The following DACH2 variants were observed in gnomAD, a reference collection of about 807,000 sequenced individuals.
The protein encoded by DACH2 is dachshund family transcription factor 2, also known as dachshund homolog 2.
A neutral mutation model predicts 35.8 loss-of-function variants in DACH2; 17 were observed. That is an observed-to-expected ratio of 0.48 (90% CI 0.33 to 0.71). The LOEUF (loss-of-function observed/expected upper bound fraction) is 0.71. DACH2 is among the 30% of genes least tolerant of loss of function. The pLI, the probability that DACH2 is intolerant of heterozygous loss-of-function variation, is 0.02. For synonymous variants in DACH2, 195 were observed against 177.3 expected, an observed-to-expected ratio of 1.10 and a Z score of -0.79; for missense variants, 469 against 472.7, an observed-to-expected ratio of 0.99 and a Z score of 0.07.
chrX:86,175,877 A>C (rs1206070172), intron 1 of DACH2, among the ~76,000 whole-genome samples: 1 of 111,195 alleles, frequency 9.0e-6, no homozygotes, highest in Non-Finnish European at 1.9e-5. Flanking sequence ...ATTGGAAAGG[A>C]GGTATTGCTG....
chrX:86,378,176 A>G (rs1402689663), intron 2 of DACH2, among the ~76,000 whole-genome samples: 1 of 110,543 alleles, frequency 9.0e-6, no homozygotes, highest in South Asian at 3.7e-4. Context: ...TTCTTCATTA[A>G]ATATAGCAGT....
chrX:86,701,588 A>T (rs932246832), intron 5 of DACH2, among the ~76,000 whole-genome samples: 1 of 111,833 alleles, frequency 8.9e-6, no homozygotes. Flanking sequence ...ATTGCAGATG[A>T]CATAATTCTA....
chrX:86,828,938 T>C (rs2042587032), intron 11 of DACH2: 1 of 111,910 alleles, frequency 8.9e-6, no homozygotes, highest in East Asian at 2.8e-4. Flanking sequence ...ACGTCTGCCC[T>C]AGCATTAAGT....
rs780445693 is a variant in DACH2, at chrX:86,148,785, C to G, written c.165C>G (p.Ala55=). 8.3e-7 allele frequency: 1 copy of G among 1,211,279 alleles called. No individual in the cohort carries two copies. The highest frequency in any genetic ancestry group is 1.1e-6 in the Non-Finnish European group (1 of 895,435). ...SFVVNNHSNS[A]GGGGRGNTNT... Reference sequence around the variant, plus strand: ...TGGTTAATAACCACAGCAACAGTGCCGGAGGCGGCGGCAGGGGCAACACCA... The same window carrying G: ...TGGTTAATAACCACAGCAACAGTGCGGGAGGCGGCGGCAGGGGCAACACCA... Residue 55 remains alanine (A), a synonymous_variant, in exon 1 of 12, where the codon GCC becomes GCG. Coordinates refer to ENST00000373125, the MANE Select transcript of DACH2 (RefSeq NM_053281.3).
At chrX:86,165,708 G>A (rs1489847648) in intron 1 of DACH2, among the ~76,000 whole-genome samples, 1 of 110,173 alleles carries the variant, frequency 9.1e-6, no homozygotes, top group Non-Finnish European at 1.9e-5. Context: ...AGTTGTTTGA[G>A]CTCCTTATAT....
At chrX:86,677,103 A>G (rs908015341) in intron 4 of DACH2, among the ~76,000 whole-genome samples, 2 of 112,198 alleles carry the variant, frequency 1.8e-5, no homozygotes, top group African/African-American at 6.5e-5. Flanking sequence ...AATGCCCAAC[A>G]TAGCCATTTC....
chrX:86,287,719 G>A (rs1321514339), intron 1 of DACH2, among the ~76,000 whole-genome samples: 1 of 111,738 alleles, frequency 8.9e-6, no homozygotes, highest in Non-Finnish European at 1.9e-5. Flanking sequence ...TTTAGCTCCA[G>A]AATTTCTGCT....
intron 2 of DACH2, among the ~76,000 whole-genome samples, chrX:86,477,644 T>G (rs984080685): frequency 9.1e-6 from 1 of 110,331 alleles, no homozygotes; most frequent in African/African-American, 3.3e-5. Context: ...TGATTGCAGT[T>G]TATTTTGTTT....
chrX:86,519,362 T>C (rs1350298376), intron 3 of DACH2, among the ~76,000 whole-genome samples: 1 of 112,193 alleles, frequency 8.9e-6, no homozygotes, highest in African/African-American at 3.2e-5. Flanking sequence ...GTTTTCTTTT[T>C]TGTTGTGTCT....
intron 2 of DACH2, among the ~76,000 whole-genome samples, chrX:86,488,342 C>A (rs1016849680): frequency 2.7e-5 from 3 of 111,239 alleles, no homozygotes; most frequent in Non-Finnish European, 5.7e-5. Context: ...TTTTGCTTCC[C>A]TATCTGTACA....
At chrX:86,765,798 G>C (rs6623773) in intron 7 of DACH2, among the ~76,000 whole-genome samples, 1 of 90,781 alleles carries the variant, frequency 1.1e-5, no homozygotes, top group Admixed American at 1.3e-4. Flanking sequence ...GTTAAAAATG[G>C]CATTTTTTTT....
At chrX:86,610,405 CTTTCTTTCTTTCT>C (rs1324744938) in intron 3 of DACH2, among the ~76,000 whole-genome samples, 1,222 of 74,191 alleles carry the variant, frequency 0.016, 35 homozygotes, top group African/African-American at 0.067. Flanking sequence ...TTCTTTCTTT[CTTTCTTTCTTTCT>C]TTTCTTTCTT....
At chrX:86,609,368 T>A (rs957506040) in intron 3 of DACH2, among the ~76,000 whole-genome samples, 13 of 112,257 alleles carry the variant, frequency 1.2e-4, no homozygotes, top group Admixed American at 4.7e-4. Flanking sequence ...ATTCCTTCTT[T>A]GTGTTATCTT....
At chrX:86,155,649 T>A (rs979350918) in intron 1 of DACH2, among the ~76,000 whole-genome samples, 9 of 111,523 alleles carry the variant, frequency 8.1e-5, no homozygotes, top group African/African-American at 2.6e-4. Context: ...GTTAGTCTGA[T>A]ATTTGAAAAT....
chrX:86,609,982 T>G (rs939882370), intron 3 of DACH2, among the ~76,000 whole-genome samples: 4 of 111,348 alleles, frequency 3.6e-5, no homozygotes, highest in African/African-American at 1.3e-4. Context: ...CATATTTACT[T>G]AATGACCTGG....
chrX:86,213,802 G>C (rs752273888), intron 1 of DACH2, among the ~76,000 whole-genome samples: 1 of 110,891 alleles, frequency 9.0e-6, no homozygotes, highest in South Asian at 3.8e-4. Context: ...TAAAATTCCA[G>C]CTGCCTTCAG....
At chrX:86,705,814 C>A (rs1178306538) in intron 5 of DACH2, among the ~76,000 whole-genome samples, 1 of 111,762 alleles carries the variant, frequency 8.9e-6, no homozygotes, top group Non-Finnish European at 1.9e-5. Context: ...CAGCACAATT[C>A]ACAATTGCAA....
intron 7 of DACH2, among the ~76,000 whole-genome samples, chrX:86,767,207 C>A (rs1024622790): frequency 1.9e-4 from 21 of 111,696 alleles, no homozygotes; most frequent in African/African-American, 6.8e-4. Flanking sequence ...GAGGCTTGAA[C>A]TTTTGTGCTT....
chrX:86,407,231 C>A (rs998185621), intron 2 of DACH2, among the ~76,000 whole-genome samples: 1 of 111,672 alleles, frequency 9.0e-6, no homozygotes, highest in African/African-American at 3.2e-5. Context: ...GGATTTATAT[C>A]CCCACAACTG....
Sources: allele counts gnomAD v4.1 joint callset (sites outside exome capture counted in the v4.1 genomes callset), GRCh38; gene constraint gnomAD v4.1.1; transcripts MANE v1.5; gene names NCBI Gene and HGNC (gene_info 2026-07-23, HGNC 2026-07-21).